KANK1: variants seen among roughly 807,000 people sequenced by gnomAD.
KANK1 encodes the protein KN motif and ankyrin repeat domains 1, also known as KN motif and ankyrin repeat domain-containing protein 1.
A neutral mutation model predicts 106.2 loss-of-function variants in KANK1; 109 were observed. That is an observed-to-expected ratio of 1.03 (90% CI 0.88 to 1.20). KANK1 has a LOEUF of 1.20. Ranked by LOEUF, KANK1 falls within the 50% of genes most tolerant of loss-of-function variation. The probability of loss-of-function intolerance (pLI) is 0.00; values close to 1 mark genes in which losing one functional copy is unlikely to be tolerated. For synonymous variants in KANK1, 873 were observed against 652.2 expected (o/e 1.34, Z -5.16); for missense variants, 2,399 against 1,710.7 (o/e 1.40, Z -7.10).
rs754030561 is a variant in KANK1, at chr9:745,226, A to G, written c.4050A>G (p.Ser1350=). 9 of 1,614,080 alleles carry G rather than the reference A, an allele frequency of 5.6e-6. No homozygotes were observed. In the East Asian group the frequency reaches 2.0e-4, roughly 36 times the overall value. ...CTCCTGGCCCCACCCACCGAGGTTC[A>G]TTTGATTGATTGTATGCAAATAGCC... The part of the protein sequence containing the change: ...KTSPGPTHRG[S]FD Residue 1350 remains serine (S), a synonymous_variant, in exon 12 of 12, where the codon TCA becomes TCG. Transcript: ENST00000382297.
intron 1 of KANK1, among the ~76,000 whole-genome samples, chr9:600,297 T>C (rs1020113358): frequency 2.6e-5 from 4 of 151,756 alleles, no homozygotes; most frequent in Non-Finnish European, 4.4e-5. Context: ...GTCTGTCTTT[T>C]TGTGGCTGGC....
intron 1 of KANK1, among the ~76,000 whole-genome samples, chr9:575,996 G>A (rs774759364): frequency 2.0e-5 from 3 of 152,190 alleles, no homozygotes; most frequent in Non-Finnish European, 4.4e-5. Flanking sequence ...GGACTCCAGC[G>A]TAGGCAACAG....
intron 3 of KANK1, among the ~76,000 whole-genome samples, chr9:488,371 G>A (rs1423029278): frequency 4.6e-5 from 7 of 152,188 alleles, no homozygotes; most frequent in Non-Finnish European, 5.9e-5. Context: ...GTAACAGCAA[G>A]TTTCTTACAC....
At chr9:675,227 C>A (rs1402770210) in intron 1 of KANK1, among the ~76,000 whole-genome samples, 2 of 151,976 alleles carry the variant, frequency 1.3e-5, no homozygotes, top group East Asian at 3.8e-4. Context: ...AATATTTTGC[C>A]TTATTAAAAA....
chr9:555,335 T>C (rs1375025529), intron 1 of KANK1, among the ~76,000 whole-genome samples: 1 of 152,150 alleles, frequency 6.6e-6, no homozygotes, highest in Non-Finnish European at 1.5e-5. Flanking sequence ...CTCCCCTACC[T>C]TCCACACCAT....
intron 6 of KANK1, chr9:732,964 C>T (rs1832725981): frequency 5.4e-6 from 1 of 184,628 alleles, no homozygotes; most frequent in East Asian, 1.3e-4. Flanking sequence ...TTTAAGATTT[C>T]AGATTTTATG....
rs1004698431 is a variant in KANK1 at position 745,361 on chromosome 9, A to G, written c.*126A>G. ...ACCAGCAAACAGAAGCATCAAGCCC[A>G]GGGGTAAAGGCTGAAGCTTTCACAG... On this transcript the variant is annotated 3_prime_UTR_variant, in exon 12 of 12. Transcript: ENST00000382297. 3.4e-5 allele frequency: 42 copies of G among 1,222,706 alleles called. No individual in the cohort carries two copies. In the African/African-American group the frequency reaches 5.5e-4, roughly 16 times the overall value. The allele number at this position is 1,222,706 out of a possible 1,614,324, so 75.7% of individuals were successfully genotyped here. A position where few individuals can be genotyped will look rare whatever the true frequency, so the allele number is the denominator to read the frequency against.
At chr9:521,379 G>C (rs1056880216) in intron 1 of KANK1, among the ~76,000 whole-genome samples, 2 of 151,368 alleles carry the variant, frequency 1.3e-5, no homozygotes, top group African/African-American at 4.9e-5. Context: ...CTGCTTGGTT[G>C]ACTTTTAAAA....
intron 1 of KANK1, among the ~76,000 whole-genome samples, chr9:556,327 C>G (rs2061580061): frequency 1.3e-5 from 2 of 152,004 alleles, no homozygotes; most frequent in African/African-American, 4.8e-5. Context: ...GTTAGAAGTT[C>G]AATGTGAGTT....
At chr9:486,073 C>T (rs1214773665) in intron 3 of KANK1, among the ~76,000 whole-genome samples, 1 of 152,040 alleles carries the variant, frequency 6.6e-6, no homozygotes, top group African/African-American at 2.4e-5. Context: ...GGATGAATCT[C>T]GCCTGACTCC....
chr9:628,908 A>G (rs763231588), intron 1 of KANK1, among the ~76,000 whole-genome samples: 4 of 150,254 alleles, frequency 2.7e-5, no homozygotes, highest in African/African-American at 5.0e-5. Flanking sequence ...GCGAAACCCC[A>G]TCTCTACTAA....
At chr9:621,775 ACTCG>A in intron 1 of KANK1, among the ~76,000 whole-genome samples, 1 of 151,462 alleles carries the variant, frequency 6.6e-6, no homozygotes, top group Middle Eastern at 3.4e-3. Flanking sequence ...CTGCTTACTC[ACTCG>A]CTTGTTCCTG....
intron 3 of KANK1, among the ~76,000 whole-genome samples, chr9:493,960 A>C (rs1053266285): frequency 4.0e-5 from 6 of 150,968 alleles, no homozygotes; most frequent in Admixed American, 1.3e-4. Context: ...TCGGCTCACC[A>C]CAACTTACAC....
At chr9:716,796 G>A (rs1447255277) in intron 3 of KANK1, among the ~76,000 whole-genome samples, 1 of 152,172 alleles carries the variant, frequency 6.6e-6, no homozygotes, top group Non-Finnish European at 1.5e-5. Context: ...GCAACGTAGT[G>A]AGACCTTGTC....
chr9:618,952 C>G (rs12379637), intron 1 of KANK1, among the ~76,000 whole-genome samples: 56,181 of 152,078 alleles, frequency 0.37, 12,054 homozygotes, highest in South Asian at 0.57. Flanking sequence ...AAAATAACCT[C>G]ACTACTTATT....
At chr9:703,905 G>A (rs1254311181) in intron 2 of KANK1, among the ~76,000 whole-genome samples, 1 of 152,050 alleles carries the variant, frequency 6.6e-6, no homozygotes, top group Admixed American at 6.6e-5. Flanking sequence ...GTAGAGACCT[G>A]GTTTCACCAT....
intron 1 of KANK1, among the ~76,000 whole-genome samples, chr9:529,562 A>T (rs933597864): frequency 1.3e-5 from 2 of 152,188 alleles, no homozygotes. Context: ...ATCACAGATG[A>T]TAATAGACTT....
chr9:658,528 C>G (rs1387662826), intron 1 of KANK1, among the ~76,000 whole-genome samples: 1 of 151,888 alleles, frequency 6.6e-6, no homozygotes. Flanking sequence ...ATTTCTATGG[C>G]TCTTACTTTT....
rs1046625918 is a variant in KANK1 at position 738,441 on chromosome 9, A to G, written c.3490A>G (p.Thr1164Ala). ...VINLADGNGN[T>A]ALHYSVSHSN... is the part of the protein sequence containing the mutation. Reference sequence around the variant, plus strand: ...CAACTTGGCAGACGGCAACGGCAACACAGCCCTCCATTACAGCGTGTCCCA... The same window carrying G: ...CAACTTGGCAGACGGCAACGGCAACGCAGCCCTCCATTACAGCGTGTCCCA... The change falls in exon 8 of 12, where the codon ACA becomes GCA. Residue 1164 changes from threonine (T) to alanine (A), a missense_variant. By Grantham distance (58) the Thr-to-Ala change is moderately conservative. Coordinates refer to ENST00000382297, the MANE Select transcript of KANK1 (RefSeq NM_015158.5). 5.6e-6 allele frequency: 9 copies of G among 1,614,026 alleles called. No homozygotes were observed. The highest frequency in any genetic ancestry group is 1.7e-5 in the Admixed American group (1 of 60,002).
Sources: gnomAD v4.1 joint callset for allele counts (sites outside exome capture counted in the v4.1 genomes callset) on GRCh38, gnomAD v4.1.1 for gene constraint, MANE v1.5 for transcripts, NCBI Gene and HGNC (gene_info 2026-07-23, HGNC 2026-07-21) for gene names.